Variants in FMN2 observed in about 807,000 individuals in gnomAD.
FMN2 encodes the protein formin-2.
FMN2 carries 51 observed loss-of-function variants against 142.3 expected under a neutral mutation model. That is an observed-to-expected ratio of 0.36 (90% CI 0.29 to 0.45). The LOEUF (loss-of-function observed/expected upper bound fraction) is 0.45, where lower values mean the gene tolerates loss of function less well. FMN2 is among the 20% of genes least tolerant of loss of function. FMN2 has a pLI of 1.00. For missense variants in FMN2, 1,936 were observed against 2,122.8 expected (o/e 0.91, Z 1.73); for synonymous variants, 882 against 869.8 (o/e 1.01, Z -0.25).
chr1:240,169,435 A>C (rs1474127255), intron 2 of FMN2, among the ~76,000 whole-genome samples: 2 of 152,120 alleles, frequency 1.3e-5, no homozygotes, highest in African/African-American at 2.4e-5. Context: ...TACATAATCT[A>C]GGGATAGATT....
At chr1:240,097,726 A>G (rs72764320) in intron 1 of FMN2, among the ~76,000 whole-genome samples, 18 of 152,258 alleles carry the variant, frequency 1.2e-4, no homozygotes, top group East Asian at 1.9e-4. Context: ...TCAATTTGCA[A>G]TTGGCTTACA....
intron 1 of FMN2, among the ~76,000 whole-genome samples, chr1:240,095,989 T>C (rs1661183728): frequency 1.3e-5 from 2 of 152,166 alleles, no homozygotes; most frequent in South Asian, 4.1e-4. Flanking sequence ...TATATTTTTG[T>C]GTAGCAGCTT....
intron 16 of FMN2, among the ~76,000 whole-genome samples, chr1:240,456,785 A>G (rs1424438861): frequency 6.6e-6 from 1 of 152,164 alleles, no homozygotes; most frequent in Non-Finnish European, 1.5e-5. Flanking sequence ...AATCCTTCTA[A>G]GCCCTAAGAA....
At chr1:240,336,957 T>C (rs1264555162) in intron 13 of FMN2, among the ~76,000 whole-genome samples, 4 of 152,002 alleles carry the variant, frequency 2.6e-5, no homozygotes, top group Admixed American at 2.0e-4. Flanking sequence ...GGAAATCTTA[T>C]GGACTGAAAT....
chr1:240,324,682 A>G (rs1054799591), intron 8 of FMN2, among the ~76,000 whole-genome samples: 13 of 130,924 alleles, frequency 9.9e-5, no homozygotes, highest in Admixed American at 9.5e-4. Context: ...AAGGAAAGAG[A>G]GAGAGAGAGA....
In FMN2 at chr1:240,329,160, C is replaced by A. The variant is rs1171979879; in HGVS notation, c.4300C>A (p.Pro1434Thr). The change falls in exon 9 of 18, where the codon CCT becomes ACT. Residue 1434 changes from proline to threonine, a missense_variant. Physicochemically the swap from Pro to Thr is conservative, Grantham distance 38. Around this residue, in one of 8 missense-constraint regions of FMN2, gnomAD observed 322 missense variants for 401.6 expected, o/e 0.80. Transcript: ENST00000319653. ...GGAAAATGCCAAGTCTCTGGACAAA[C>A]CTGAACAGTAAGCATGTCTTATAAC... ...DKENAKSLDK[P>T]EQFLYELSLI... is the part of the protein sequence containing the mutation. 3 of 1,613,976 alleles carry A rather than the reference C, an allele frequency of 1.9e-6. No homozygotes were observed. Among genetic ancestry groups the A allele is most frequent in the Non-Finnish European group, 2.5e-6 (3 of 1,179,996 alleles).
intron 15 of FMN2, among the ~76,000 whole-genome samples, chr1:240,427,352 C>G (rs755311359): frequency 6.6e-6 from 1 of 151,876 alleles, no homozygotes; most frequent in Non-Finnish European, 1.5e-5. Flanking sequence ...ACTACAGGCG[C>G]CCGCCACCGC....
rs778433255 is a variant in FMN2, at chr1:240,329,077, G to A, written c.4217G>A (p.Arg1406Lys). Reference protein sequence around the residue: ...LETLQALYENRAQSDELEKIE... With the variant: ...LETLQALYENKAQSDELEKIE... ...ACTATTTGGTTTTTGTTTTTCTAGA[G>A]AGCACAGTCAGACGAACTCGAAAAA... Residue 1406 changes from arginine (R) to lysine (K), a missense_variant and splice_region_variant, in exon 9 of 18, where the codon AGA (arginine) becomes AAA (lysine). Arg to Lys is a conservative substitution (Grantham distance 26). Coordinates refer to ENST00000319653, the MANE Select transcript of FMN2 (RefSeq NM_020066.5). 2 of 1,613,778 alleles carry A rather than the reference G, an allele frequency of 1.2e-6. No homozygotes were observed. Among genetic ancestry groups the A allele is most frequent in the Non-Finnish European group, 1.7e-6 (2 of 1,179,914 alleles).
At chr1:240,151,390 C>A (rs757551293) in intron 2 of FMN2, among the ~76,000 whole-genome samples, 9 of 152,012 alleles carry the variant, frequency 5.9e-5, no homozygotes, top group Non-Finnish European at 1.3e-4. Flanking sequence ...TAAGGCTGAG[C>A]CCTTATTTTA....
At chr1:240,276,776 A>G (rs923308756) in intron 7 of FMN2, among the ~76,000 whole-genome samples, 5 of 152,112 alleles carry the variant, frequency 3.3e-5, no homozygotes, top group African/African-American at 1.2e-4. Context: ...ACTATGTTGC[A>G]TGTAGAGTAT....
At chr1:240,236,028 G>A (rs918698433) in intron 6 of FMN2, 2 of 152,120 alleles carry the variant, frequency 1.3e-5, no homozygotes, top group Non-Finnish European at 2.9e-5. Flanking sequence ...GAGTGTTTTT[G>A]GTGTGGAATT....
intron 1 of FMN2, among the ~76,000 whole-genome samples, chr1:240,104,145 T>C (rs1292068499): frequency 2.6e-5 from 4 of 151,178 alleles, no homozygotes; most frequent in Admixed American, 2.6e-4. Context: ...CCCAAAGAGC[T>C]GGGATTACAG....
At chr1:240,225,151 G>C (rs1458865705) in intron 6 of FMN2, among the ~76,000 whole-genome samples, 1 of 152,146 alleles carries the variant, frequency 6.6e-6, no homozygotes, top group African/African-American at 2.4e-5. Flanking sequence ...AAGAAACGAG[G>C]CTTAAAAATA....
chr1:240,221,095 AT>A (rs1253476102), intron 6 of FMN2, among the ~76,000 whole-genome samples: 1 of 151,958 alleles, frequency 6.6e-6, no homozygotes, highest in Non-Finnish European at 1.5e-5. Context: ...TATGTGCCAC[AT>A]TTTCTTTATC....
chr1:240,412,319 G>A (rs895052992), intron 15 of FMN2, among the ~76,000 whole-genome samples: 13 of 152,174 alleles, frequency 8.5e-5, no homozygotes, highest in African/African-American at 2.9e-4. Flanking sequence ...GAGTAATTGG[G>A]TCAGGAGCTG....
chr1:240,171,229 G>A, intron 2 of FMN2: 1 of 775,258 alleles, frequency 1.3e-6, no homozygotes, highest in South Asian at 1.3e-5. Context: ...GTCTTTTGAT[G>A]AAATTAACAA....
chr1:240,429,267 G>A (rs895133931), intron 15 of FMN2, among the ~76,000 whole-genome samples: 4 of 152,034 alleles, frequency 2.6e-5, no homozygotes, highest in South Asian at 2.1e-4. Flanking sequence ...TAGACATGTC[G>A]TCTTCCTGGC....
chr1:240,294,862 C>T lies in FMN2; in HGVS notation c.4194C>T (p.Thr1398=). The T allele has an allele frequency of 6.2e-7, 1 of 1,613,814 alleles. No homozygotes were observed. Among genetic ancestry groups the T allele is most frequent in the East Asian group, 2.2e-5 (1 of 44,864 alleles). The part of the protein sequence containing the change: ...NLDNSVVDLE[T]LQALYENRAQ... Reference sequence around the variant, plus strand: ...ATAATTCTGTGGTTGACCTGGAGACCCTTCAAGCTCTCTATGAGAATGTGA... The same window carrying T: ...ATAATTCTGTGGTTGACCTGGAGACTCTTCAAGCTCTCTATGAGAATGTGA... The change falls in exon 8 of 18, where the codon ACC becomes ACT. Residue 1398 remains threonine (T), a synonymous_variant. Coordinates refer to ENST00000319653, the MANE Select transcript of FMN2 (RefSeq NM_020066.5).
intron 7 of FMN2, among the ~76,000 whole-genome samples, chr1:240,260,747 C>G (rs1668597999): frequency 6.6e-6 from 1 of 152,170 alleles, no homozygotes; most frequent in African/African-American, 2.4e-5. Flanking sequence ...CGCGGAAGCT[C>G]TTTAGTTTAA....
Sources: allele counts gnomAD v4.1 joint callset (sites outside exome capture counted in the v4.1 genomes callset), GRCh38; gene constraint gnomAD v4.1.1; regional missense constraint gnomAD v4.1.1; transcripts MANE v1.5; gene names NCBI Gene and HGNC (gene_info 2026-07-23, HGNC 2026-07-21).